Variants in CDC42BPA observed in about 807,000 individuals in gnomAD.
The protein encoded by CDC42BPA is CDC42 binding protein kinase alpha, also known as serine/threonine-protein kinase MRCK alpha.
In CDC42BPA, 80 loss-of-function variants were observed where a neutral mutation model predicts 223.5. That is an observed-to-expected ratio of 0.36 (90% CI 0.30 to 0.43). CDC42BPA has a LOEUF of 0.43. CDC42BPA is among the 20% of genes least tolerant of loss of function. The probability of loss-of-function intolerance (pLI) is 1.00; values close to 1 mark genes in which losing one functional copy is unlikely to be tolerated. For missense variants in CDC42BPA, 1,743 were observed against 2,099.9 expected (o/e 0.83, Z 3.32); for synonymous variants, 694 against 718.6 (o/e 0.97, Z 0.55).
intron 1 of CDC42BPA, among the ~76,000 whole-genome samples, chr1:227,307,434 A>G (rs1290543139): frequency 6.6e-6 from 1 of 152,194 alleles, no homozygotes; most frequent in Non-Finnish European, 1.5e-5. Context: ...TTAAGTATAT[A>G]CCAGCATTTC....
At chr1:227,201,204 T>C (rs1262977784) in intron 3 of CDC42BPA, among the ~76,000 whole-genome samples, 1 of 152,058 alleles carries the variant, frequency 6.6e-6, no homozygotes, top group African/African-American at 2.4e-5. Context: ...TGGAGTACAG[T>C]GGTACAATCA....
intron 1 of CDC42BPA, among the ~76,000 whole-genome samples, chr1:227,301,652 C>G (rs1691651938): frequency 6.6e-6 from 1 of 152,142 alleles, no homozygotes; most frequent in South Asian, 2.1e-4. Context: ...GCCACTGTGC[C>G]CAGCCGGATT....
At chr1:227,224,235 C>CTT (rs113833866) in intron 2 of CDC42BPA, among the ~76,000 whole-genome samples, 4 of 141,862 alleles carry the variant, frequency 2.8e-5, no homozygotes, top group Non-Finnish European at 4.6e-5. Flanking sequence ...ATGTTTCTTC[C>CTT]TTTTTTTTTT....
At chr1:227,102,384 GAGA>G (rs1685196699) in intron 14 of CDC42BPA, among the ~76,000 whole-genome samples, 1 of 152,136 alleles carries the variant, frequency 6.6e-6, no homozygotes, top group Non-Finnish European at 1.5e-5. Flanking sequence ...TGCTTAACTT[GAGA>G]AGAACCAGAG....
At chr1:227,210,065 T>C (rs1673598628) in intron 3 of CDC42BPA, among the ~76,000 whole-genome samples, 1 of 152,134 alleles carries the variant, frequency 6.6e-6, no homozygotes, top group South Asian at 2.1e-4. Context: ...GAGATTCAAC[T>C]TCTTCCTGGT....
chr1:227,120,166 A>G (rs1314570807), intron 11 of CDC42BPA, among the ~76,000 whole-genome samples: 1 of 151,682 alleles, frequency 6.6e-6, no homozygotes, highest in Admixed American at 6.6e-5. Flanking sequence ...TTACATACTC[A>G]TTAGGAAAAA....
chr1:227,083,716 T>C (rs1558459129), intron 16 of CDC42BPA, among the ~76,000 whole-genome samples: 1 of 152,198 alleles, frequency 6.6e-6, no homozygotes, highest in East Asian at 1.9e-4. Context: ...CTTTTACTTT[T>C]GGTAGGCAAT....
At position 227,031,497 on chromosome 1, in the gene CDC42BPA, G is replaced by C. The variant is rs747799327; in HGVS notation, c.3576C>G (p.Leu1192=). The change falls in exon 28 of 37, where the codon CTC becomes CTG. Residue 1192 remains leucine, a synonymous_variant. Transcript: ENST00000366766. ...TTGAACATTTGTTATTAGATGCTGA[G>C]AGCTGGGAAGCTGTGACCTAGAACA... ...PCIFRVTASQ[L]SASNNKCSIL... is the part of the protein sequence containing the mutation. 7 of 1,613,752 alleles carry C rather than the reference G, an allele frequency of 4.3e-6. No individual in the cohort carries two copies. Among genetic ancestry groups the C allele is most frequent in the South Asian group, 3.3e-5 (3 of 91,080 alleles).
At chr1:227,137,734 A>G (rs1191733731) in intron 10 of CDC42BPA, among the ~76,000 whole-genome samples, 2 of 152,098 alleles carry the variant, frequency 1.3e-5, no homozygotes, top group Non-Finnish European at 2.9e-5. Context: ...ATTTCAAAAA[A>G]CAAGTGAAAG....
intron 1 of CDC42BPA, among the ~76,000 whole-genome samples, chr1:227,278,435 C>G (rs191561983): frequency 3.3e-5 from 5 of 152,288 alleles, no homozygotes; most frequent in Admixed American, 3.3e-4. Context: ...AAAAGTAAGA[C>G]TTGTTCTCTA....
At chr1:227,241,682 C>A (rs541895236) in intron 2 of CDC42BPA, among the ~76,000 whole-genome samples, 1 of 152,162 alleles carries the variant, frequency 6.6e-6, no homozygotes, top group East Asian at 1.9e-4. Flanking sequence ...CTGTGGGGAA[C>A]CAACGAGGAA....
At chr1:227,273,428 G>T (rs543475910) in intron 1 of CDC42BPA, among the ~76,000 whole-genome samples, 1 of 150,984 alleles carries the variant, frequency 6.6e-6, no homozygotes, top group Non-Finnish European at 1.5e-5. Context: ...TTAGCCGGGC[G>T]TGGTGGCGCA....
intron 10 of CDC42BPA, among the ~76,000 whole-genome samples, chr1:227,138,326 G>T (rs1659021669): frequency 6.6e-6 from 1 of 151,842 alleles, no homozygotes; most frequent in Admixed American, 6.6e-5. Flanking sequence ...TAGTACTGGG[G>T]ATATATATAT....
intron 2 of CDC42BPA, among the ~76,000 whole-genome samples, chr1:227,222,954 C>T (rs1037789482): frequency 6.6e-6 from 1 of 152,120 alleles, no homozygotes; most frequent in Admixed American, 6.5e-5. Context: ...CAAATTCTCA[C>T]AGTCCATTGT....
At chr1:227,252,003 T>C (rs1376691786) in intron 2 of CDC42BPA, among the ~76,000 whole-genome samples, 1 of 152,038 alleles carries the variant, frequency 6.6e-6, no homozygotes, top group East Asian at 1.9e-4. Flanking sequence ...AATATATACA[T>C]ATATATGACA....
rs528008720 is a variant in CDC42BPA, at chr1:227,081,618, A to G, written c.2356-601T>C. Among the ~76,000 whole-genome samples, 41 of 151,788 alleles carry G rather than the reference A, an allele frequency of 2.7e-4. No homozygotes were observed. In the Middle Eastern group the frequency reaches 0.01, roughly 38 times the overall value. ...CAGATGTGCGCCATCACGCCCGGCT[A>G]ATTTTTTGTCTTTTTAGTAGAGATG... On this transcript the variant is annotated intron_variant, in intron 16 of 36. Transcript: ENST00000366766.
At chr1:227,077,356 TAATC>T (rs2149106640) in intron 17 of CDC42BPA, among the ~76,000 whole-genome samples, 1 of 152,348 alleles carries the variant, frequency 6.6e-6, no homozygotes, top group Non-Finnish European at 1.5e-5. Flanking sequence ...TCTTATGTTT[TAATC>T]AATAGAAGCT....
intron 4 of CDC42BPA, among the ~76,000 whole-genome samples, chr1:227,196,577 G>C (rs1670788988): frequency 6.6e-6 from 1 of 151,896 alleles, no homozygotes; most frequent in African/African-American, 2.4e-5. Context: ...CTGACCTCAT[G>C]ATCCGCCCGC....
chr1:227,115,563 C>T (rs1310180312), intron 12 of CDC42BPA, among the ~76,000 whole-genome samples: 2 of 150,748 alleles, frequency 1.3e-5, no homozygotes, highest in Non-Finnish European at 3.0e-5. Context: ...AAGCTTCATA[C>T]ACAGAAGCTT....
Sources: allele counts gnomAD v4.1 joint callset (sites outside exome capture counted in the v4.1 genomes callset), GRCh38; gene constraint gnomAD v4.1.1; transcripts MANE v1.5; gene names NCBI Gene and HGNC (gene_info 2026-07-23, HGNC 2026-07-21).